The following GPC5 variants were observed in gnomAD, a reference collection of about 807,000 sequenced individuals.
GPC5 encodes glypican-5.
GPC5 carries 47 observed loss-of-function variants against 53.9 expected under a neutral mutation model. The ratio of observed to expected loss-of-function variants is 0.87; its 90% CI spans 0.69 to 1.11. GPC5 has a LOEUF of 1.11. Ranked by LOEUF, GPC5 falls within the 50% of genes most tolerant of loss-of-function variation. GPC5 has a pLI of 0.00. For missense variants in GPC5, 748 were observed against 713.1 expected, an observed-to-expected ratio of 1.05 and a Z score of -0.56; for synonymous variants, 286 against 263.3, an observed-to-expected ratio of 1.09 and a Z score of -0.84.
intron 7 of GPC5, among the ~76,000 whole-genome samples, chr13:92,251,572 G>A (rs2042692929): frequency 6.6e-6 from 1 of 152,026 alleles, no homozygotes; most frequent in African/African-American, 2.4e-5. Flanking sequence ...TCATGGGAAC[G>A]AGCTAACTTC....
At chr13:92,374,453 C>T (rs1408614177) in intron 7 of GPC5, among the ~76,000 whole-genome samples, 1 of 152,022 alleles carries the variant, frequency 6.6e-6, no homozygotes, top group African/African-American at 2.4e-5. Flanking sequence ...TATATATGCA[C>T]AATTGGCTCT....
At chr13:92,308,611 T>A (rs1401308462) in intron 7 of GPC5, among the ~76,000 whole-genome samples, 1 of 152,170 alleles carries the variant, frequency 6.6e-6, no homozygotes, top group East Asian at 1.9e-4. Context: ...AAATGGAGAT[T>A]GAAGAGCCTT....
chr13:92,149,304 T>G (rs73620818), intron 7 of GPC5, among the ~76,000 whole-genome samples: 2,314 of 152,176 alleles, frequency 0.015, 76 homozygotes, highest in African/African-American at 0.052. Context: ...GTTCCCTGCC[T>G]CTGATAGCAC....
chr13:92,101,709 C>T (rs1228326617), intron 6 of GPC5, among the ~76,000 whole-genome samples: 1 of 152,140 alleles, frequency 6.6e-6, no homozygotes, highest in Non-Finnish European at 1.5e-5. Flanking sequence ...CTAGATGATG[C>T]CCTTGCTCCT....
At chr13:91,887,814 A>G (rs2039341672) in intron 5 of GPC5, among the ~76,000 whole-genome samples, 1 of 152,122 alleles carries the variant, frequency 6.6e-6, no homozygotes, top group Non-Finnish European at 1.5e-5. Context: ...GCCATTCAAC[A>G]TGTCTCTAGG....
chr13:92,208,022 C>A (rs997231861), intron 7 of GPC5, among the ~76,000 whole-genome samples: 4 of 152,162 alleles, frequency 2.6e-5, no homozygotes, highest in African/African-American at 9.7e-5. Flanking sequence ...TTCTTGTTAG[C>A]AGACAGCAGT....
intron 6 of GPC5, among the ~76,000 whole-genome samples, chr13:91,916,637 G>A (rs1260876051): frequency 6.6e-6 from 1 of 152,152 alleles, no homozygotes; most frequent in Non-Finnish European, 1.5e-5. Flanking sequence ...AGAAATAATT[G>A]AGACTGGGTA....
At chr13:91,943,184 A>T (rs1169914834) in intron 6 of GPC5, among the ~76,000 whole-genome samples, 35 of 152,134 alleles carry the variant, frequency 2.3e-4, no homozygotes, top group Non-Finnish European at 2.9e-5. Flanking sequence ...TTTTCATTTC[A>T]TTAGAAAATG....
chr13:91,483,487 C>G (rs1023204421), intron 2 of GPC5, among the ~76,000 whole-genome samples: 3 of 152,096 alleles, frequency 2.0e-5, no homozygotes, highest in Admixed American at 6.6e-5. Flanking sequence ...AGCCCTGTTG[C>G]CTATTATGAC....
chr13:91,895,138 A>C (rs2138975745), intron 5 of GPC5, among the ~76,000 whole-genome samples: 1 of 152,020 alleles, frequency 6.6e-6, no homozygotes, highest in South Asian at 2.1e-4. Context: ...CGAGCATGGA[A>C]GCAGAGCTCT....
chr13:91,567,818 T>G (rs2031603438), intron 2 of GPC5, among the ~76,000 whole-genome samples: 1 of 152,166 alleles, frequency 6.6e-6, no homozygotes, highest in African/African-American at 2.4e-5. Context: ...CGGTTATAGG[T>G]GCTGATATGA....
chr13:91,573,656 T>G (rs2032025968), intron 2 of GPC5, among the ~76,000 whole-genome samples: 1 of 152,126 alleles, frequency 6.6e-6, no homozygotes, highest in Non-Finnish European at 1.5e-5. Flanking sequence ...ATATTGATAA[T>G]TTTTTCTAGT....
chr13:92,633,246 G>A (rs1594367530), intron 7 of GPC5, among the ~76,000 whole-genome samples: 2 of 152,064 alleles, frequency 1.3e-5, no homozygotes, highest in South Asian at 2.1e-4. Context: ...TCATGAGAAC[G>A]TGTGGGAATT....
At chr13:92,293,661 C>T (rs2043013822) in intron 7 of GPC5, among the ~76,000 whole-genome samples, 1 of 152,020 alleles carries the variant, frequency 6.6e-6, no homozygotes, top group African/African-American at 2.4e-5. Context: ...TTGACTTCCT[C>T]ATTACCAATT....
At chr13:91,519,814 A>G (rs1885707218) in intron 2 of GPC5, among the ~76,000 whole-genome samples, 1 of 152,118 alleles carries the variant, frequency 6.6e-6, no homozygotes, top group Non-Finnish European at 1.5e-5. Context: ...AATGATTTTT[A>G]TAGGAAGGTA....
At chr13:92,782,674 A>G (rs1349605479) in intron 7 of GPC5, among the ~76,000 whole-genome samples, 1 of 152,128 alleles carries the variant, frequency 6.6e-6, no homozygotes, top group Non-Finnish European at 1.5e-5. Flanking sequence ...TCAATATTAC[A>G]TTATTCTTGC....
At chr13:92,298,844 G>A (rs565784820) in intron 7 of GPC5, among the ~76,000 whole-genome samples, 42 of 152,216 alleles carry the variant, frequency 2.8e-4, no homozygotes, top group African/African-American at 9.6e-4. Context: ...CCTGCCTCTC[G>A]TCCGCCATGA....
At chr13:91,913,110 A>G (rs1317185487) in intron 6 of GPC5, among the ~76,000 whole-genome samples, 3 of 152,114 alleles carry the variant, frequency 2.0e-5, no homozygotes, top group Non-Finnish European at 2.9e-5. Context: ...AATTTATAAG[A>G]AAAGTTTTGG....
At chr13:92,761,740 T>C (rs1375067631) in intron 7 of GPC5, among the ~76,000 whole-genome samples, 1 of 152,210 alleles carries the variant, frequency 6.6e-6, no homozygotes, top group Admixed American at 6.6e-5. Flanking sequence ...GATAAGGGCT[T>C]ACTACTGGCA....
Sources: gnomAD v4.1 joint callset for allele counts (sites outside exome capture counted in the v4.1 genomes callset) on GRCh38, gnomAD v4.1.1 for gene constraint, MANE v1.5 for transcripts, NCBI Gene and HGNC (gene_info 2026-07-23, HGNC 2026-07-21) for gene names.